Variants in PPP1CC observed in about 807,000 individuals in gnomAD.
The protein encoded by PPP1CC is serine/threonine-protein phosphatase PP1-gamma catalytic subunit.
In PPP1CC, 16 loss-of-function variants were observed where a neutral mutation model predicts 38.4. The observed-to-expected ratio is 0.42, with a 90% confidence interval of 0.28 to 0.63. The LOEUF (loss-of-function observed/expected upper bound fraction) is 0.63. PPP1CC is among the 30% of genes least tolerant of loss of function. The probability of loss-of-function intolerance (pLI) is 0.25; values close to 1 mark genes in which losing one functional copy is unlikely to be tolerated. For missense variants in PPP1CC, 170 were observed against 391.3 expected, an observed-to-expected ratio of 0.43 and a Z score of 4.77; for synonymous variants, 158 against 136.0, an observed-to-expected ratio of 1.16 and a Z score of -1.13.
intron 1 of PPP1CC, among the ~76,000 whole-genome samples, chr12:110,740,462 G>A (rs1281065913): frequency 6.6e-6 from 1 of 151,818 alleles, no homozygotes; most frequent in Non-Finnish European, 1.5e-5. Context: ...ATAAAAAATT[G>A]TAAAACAGAA....
rs889318597 is a variant in PPP1CC at position 110,720,437 on chromosome 12, A to G, written c.*639T>C. 1.1e-4 allele frequency: 53 copies of G among 475,858 alleles called. 3 individuals carry two copies. The South Asian group carries it at 1.7e-3, about 15-fold the overall frequency. The allele number at this position is 475,858 out of a possible 1,614,324, so 29.5% of individuals were successfully genotyped here. On this transcript the variant is annotated 3_prime_UTR_variant, in exon 7 of 7. Coordinates refer to ENST00000335007, the MANE Select transcript of PPP1CC (RefSeq NM_002710.4). ...TTGGCTTTAGGAAAGAGTCACAAAT[A>G]TTTAAAAGAATGGCTTTGTCATTTT...
At chr12:110,738,115 C>T (rs1174377711) in intron 1 of PPP1CC, among the ~76,000 whole-genome samples, 1 of 152,148 alleles carries the variant, frequency 6.6e-6, no homozygotes, top group African/African-American at 2.4e-5. Context: ...TTTGAGTTTT[C>T]ATTTGCTGTA....
At chr12:110,736,919 A>G (rs1395367285) in intron 1 of PPP1CC, among the ~76,000 whole-genome samples, 1 of 152,248 alleles carries the variant, frequency 6.6e-6, no homozygotes, top group Admixed American at 6.5e-5. Flanking sequence ...AAGTTTCAGA[A>G]CCTAAGAAAG....
intron 1 of PPP1CC, among the ~76,000 whole-genome samples, chr12:110,735,422 C>T (rs577078706): frequency 4.6e-5 from 7 of 152,224 alleles, no homozygotes; most frequent in South Asian, 2.1e-4. Context: ...CACGAGGCCG[C>T]GATGCTACAT....
At chr12:110,729,759 T>C (rs1411888992) in intron 3 of PPP1CC, among the ~76,000 whole-genome samples, 1 of 152,190 alleles carries the variant, frequency 6.6e-6, no homozygotes, top group African/African-American at 2.4e-5. Context: ...AGACAAAAAG[T>C]AGATTAGTGG....
intron 3 of PPP1CC, among the ~76,000 whole-genome samples, chr12:110,729,192 C>CTTTT (rs1026282471): frequency 3.5e-4 from 42 of 120,272 alleles, no homozygotes; most frequent in African/African-American, 7.3e-4. Flanking sequence ...ATTTTCAAAG[C>CTTTT]TTTTTTTTTT....
chr12:110,724,914 T>C (rs1027809867), intron 3 of PPP1CC, 150 bp from the exon 4 acceptor site: 3 of 460,834 alleles, frequency 6.5e-6, no homozygotes, highest in African/African-American at 6.0e-5. Flanking sequence ...AATAAAACCA[T>C]CTTATTTTAA....
At chr12:110,724,279 A>G (rs1240642123) in intron 4 of PPP1CC, among the ~76,000 whole-genome samples, 1 of 151,812 alleles carries the variant, frequency 6.6e-6, no homozygotes, top group African/African-American at 2.4e-5. Flanking sequence ...AAACTTTTCT[A>G]AGCCGGGCAC....
chr12:110,735,696 C>T (rs2069935132), intron 1 of PPP1CC, among the ~76,000 whole-genome samples: 2 of 151,732 alleles, frequency 1.3e-5, no homozygotes, highest in South Asian at 4.2e-4. Flanking sequence ...GCACGAGAAT[C>T]ACTTGAACCT....
At chr12:110,708,837 C>T in the PPP1CC span, among the ~76,000 whole-genome samples, 3 of 132,644 alleles carry the variant, frequency 2.3e-5, no homozygotes, top group African/African-American at 8.7e-5. Context: ...GGTGACAGAG[C>T]GAGAGTCCAT....
intron 1 of PPP1CC, 91 bp downstream of exon 1, chr12:110,742,562 C>T: frequency 8.8e-7 from 1 of 1,142,394 alleles, no homozygotes; most frequent in Non-Finnish European, 1.2e-6. Flanking sequence ...GCAAGCCCAA[C>T]CGGCCTCCCA....
chr12:110,716,511 C>A (rs990581133), downstream of PPP1CC, among the ~76,000 whole-genome samples: 1 of 152,050 alleles, frequency 6.6e-6, no homozygotes, highest in Non-Finnish European at 1.5e-5. Context: ...TGCCACCACA[C>A]CTGGCTGATT....
In PPP1CC at chr12:110,720,999, G is replaced by T; in HGVS notation, c.*77C>A. The T allele has an allele frequency of 7.5e-7, 1 of 1,330,488 alleles. No individual in the cohort carries two copies. Among genetic ancestry groups the T allele is most frequent in the Non-Finnish European group, 1.1e-6 (1 of 926,722 alleles). 82.4% of individuals were successfully genotyped at this position (1,330,488 alleles called of 1,614,324 possible). On this transcript the variant is annotated 3_prime_UTR_variant, in exon 7 of 7. Coordinates refer to ENST00000335007, the MANE Select transcript of PPP1CC (RefSeq NM_002710.4). Reference sequence around the variant, plus strand: ...CAGATCTATCTGAGCAAGCTGACCAGTACACATTACAGTCTTAAAAATGAA... The same window carrying T: ...CAGATCTATCTGAGCAAGCTGACCATTACACATTACAGTCTTAAAAATGAA...
At chr12:110,714,767 C>A (rs1277911782), downstream of PPP1CC, among the ~76,000 whole-genome samples, 1 of 130,576 alleles carries the variant, frequency 7.7e-6, no homozygotes, top group Admixed American at 9.4e-5. Context: ...GATGGTACTA[C>A]TGCACTCCAG....
chr12:110,718,805 C>A (rs906873440), downstream of PPP1CC, among the ~76,000 whole-genome samples: 2 of 152,186 alleles, frequency 1.3e-5, no homozygotes, highest in South Asian at 4.1e-4. Flanking sequence ...GGTTATCACA[C>A]ACATCTCAAG....
At chr12:110,716,431 C>A (rs540453578), downstream of PPP1CC, among the ~76,000 whole-genome samples, 18 of 151,960 alleles carry the variant, frequency 1.2e-4, no homozygotes, top group East Asian at 3.5e-3. Context: ...TGGCTCACTG[C>A]AACCTCTGCT....
chr12:110,713,792 T>G, the PPP1CC span, among the ~76,000 whole-genome samples: 1 of 152,072 alleles, frequency 6.6e-6, no homozygotes, highest in South Asian at 2.1e-4. Flanking sequence ...TTTTCTGGAG[T>G]GGAGAATGCA....
Position 110,722,039 on chromosome 12 carries a change from G to T in PPP1CC, c.882+96C>A. ...GGAAAATAAAAACTTAGCCTACTCA[G>T]CATAAGTGAACACTAGGCAAAAAGT... On this transcript the variant is annotated intron_variant, in intron 6 of 6. Coordinates refer to ENST00000335007, the MANE Select transcript of PPP1CC (RefSeq NM_002710.4). This position sits in a 1 kb window ranked among gnomAD's most constrained non-coding sequence, Gnocchi z 5.4. 6.8e-7 allele frequency: 1 copy of T among 1,480,368 alleles called. No individual in the cohort carries two copies. The highest frequency in any genetic ancestry group is 9.3e-7 in the Non-Finnish European group (1 of 1,076,202). 91.7% of individuals were successfully genotyped at this position (1,480,368 alleles called of 1,614,324 possible). A position where few individuals can be genotyped will look rare whatever the true frequency, so the allele number is the denominator to read the frequency against.
At chr12:110,736,568 C>CG (rs1284214560) in intron 1 of PPP1CC, among the ~76,000 whole-genome samples, 1 of 152,020 alleles carries the variant, frequency 6.6e-6, no homozygotes, top group Non-Finnish European at 1.5e-5. Flanking sequence ...CACTTGAGCC[C>CG]GGGAGACAGA....
Sources: allele counts gnomAD v4.1 joint callset (sites outside exome capture counted in the v4.1 genomes callset), GRCh38; gene constraint gnomAD v4.1.1; non-coding constraint Gnocchi (gnomAD v3.1); transcripts MANE v1.5; gene names NCBI Gene and HGNC (gene_info 2026-07-23, HGNC 2026-07-21).